BMPR1B: variants seen among roughly 807,000 people sequenced by gnomAD.
The protein encoded by BMPR1B is bone morphogenetic protein receptor type-1B.
Under a neutral mutation model 59.1 loss-of-function variants are expected in BMPR1B, and 12 were observed. The ratio of observed to expected loss-of-function variants is 0.20; its 90% confidence interval spans 0.13 to 0.33. The LOEUF is 0.33. Among genes scored for constraint, BMPR1B ranks in the 10% least tolerant of loss-of-function variants. The pLI, the probability that BMPR1B is intolerant of heterozygous loss-of-function variation, is 1.00. For missense variants in BMPR1B, 550 were observed against 610.9 expected (o/e 0.90, Z 1.05); for synonymous variants, 237 against 207.3 (o/e 1.14, Z -1.23).
intron 3 of BMPR1B, among the ~76,000 whole-genome samples, chr4:95,046,821 TAGA>T (rs1392319874): frequency 6.6e-6 from 1 of 152,240 alleles, no homozygotes; most frequent in Admixed American, 6.5e-5. Context: ...GCTATCTCAG[TAGA>T]AGAAGAACGC....
At chr4:95,085,438 C>G (rs1003917498) in intron 3 of BMPR1B, among the ~76,000 whole-genome samples, 9 of 152,120 alleles carry the variant, frequency 5.9e-5, no homozygotes, top group African/African-American at 1.7e-4. Flanking sequence ...ACATCTGGGT[C>G]TCAAAGAATA....
intron 1 of BMPR1B, among the ~76,000 whole-genome samples, chr4:94,819,702 A>G (rs1483526794): frequency 6.6e-6 from 1 of 152,120 alleles, no homozygotes; most frequent in Non-Finnish European, 1.5e-5. Context: ...TAATCTGAAC[A>G]CTCTTGAGAT....
At chr4:94,851,912 C>T (rs564063707) in intron 1 of BMPR1B, among the ~76,000 whole-genome samples, 76 of 152,284 alleles carry the variant, frequency 5.0e-4, no homozygotes, top group African/African-American at 1.8e-3. Context: ...TTGTCCTGTA[C>T]ATCTTCGTAC....
At chr4:95,032,845 A>G (rs1724977490) in intron 3 of BMPR1B, among the ~76,000 whole-genome samples, 1 of 152,158 alleles carries the variant, frequency 6.6e-6, no homozygotes. Flanking sequence ...GAACATGGGC[A>G]TACAAATAGG....
At chr4:95,016,158 G>T (rs1172252522) in intron 3 of BMPR1B, among the ~76,000 whole-genome samples, 1 of 152,180 alleles carries the variant, frequency 6.6e-6, no homozygotes, top group Non-Finnish European at 1.5e-5. Context: ...AGTAAAAACT[G>T]CAATTTTGAA....
chr4:94,871,383 A>T (rs180754256), intron 1 of BMPR1B, among the ~76,000 whole-genome samples: 18 of 152,338 alleles, frequency 1.2e-4, no homozygotes, highest in African/African-American at 3.1e-4. Flanking sequence ...TTAAGGCTTC[A>T]CATGCATTTC....
chr4:94,928,172 T>C (rs1351423872), intron 2 of BMPR1B, among the ~76,000 whole-genome samples: 1 of 151,816 alleles, frequency 6.6e-6, no homozygotes, highest in African/African-American at 2.4e-5. Flanking sequence ...GTATTTTTTT[T>C]TTTTTTAGAA....
rs930633423 is a variant in BMPR1B, at chr4:95,156,681, A to G, written c.*2008A>G. The G allele has an allele frequency of 3.3e-5, 5 of 152,122 alleles. No homozygotes were observed. The highest frequency in any genetic ancestry group is 1.2e-4 in the African/African-American group (5 of 41,428). The allele number at this position is 152,122 out of a possible 1,614,324, so 9.4% of individuals were successfully genotyped here. On this transcript the variant is annotated 3_prime_UTR_variant, in exon 13 of 13. Coordinates refer to ENST00000515059, the MANE Select transcript of BMPR1B (RefSeq NM_001203.3). ...AAAAAAAAAAATTGTGTTTTTAAAG[A>G]GTGAAAACAGTTAGAAAACAAGTAG...
At chr4:94,816,874 A>G (rs1226054564) in intron 1 of BMPR1B, among the ~76,000 whole-genome samples, 1 of 152,208 alleles carries the variant, frequency 6.6e-6, no homozygotes, top group African/African-American at 2.4e-5. Context: ...GTGTAAAGAT[A>G]GGTAATGCCA....
At chr4:94,840,866 G>A (rs1725031271) in intron 1 of BMPR1B, among the ~76,000 whole-genome samples, 1 of 147,834 alleles carries the variant, frequency 6.8e-6, no homozygotes. Flanking sequence ...CAGTTTTTCT[G>A]TTCTGTTTTT....
At chr4:94,878,086 TCTAGGATATATTC>T (rs1396562031) in intron 2 of BMPR1B, among the ~76,000 whole-genome samples, 1 of 152,220 alleles carries the variant, frequency 6.6e-6, no homozygotes, top group African/African-American at 2.4e-5. Context: ...AGGTTTTATT[TCTAGGATATATTC>T]CTGACCGTGG....
intron 1 of BMPR1B, among the ~76,000 whole-genome samples, chr4:94,769,059 C>T (rs1244958706): frequency 6.6e-6 from 1 of 152,146 alleles, no homozygotes; most frequent in Non-Finnish European, 1.5e-5. Flanking sequence ...CATTCTTAAA[C>T]ATTTTTCTTC....
intron 10 of BMPR1B, among the ~76,000 whole-genome samples, chr4:95,143,218 G>A (rs1460470011): frequency 5.3e-5 from 8 of 152,176 alleles, no homozygotes; most frequent in Admixed American, 4.6e-4. Flanking sequence ...GCACGCCAGG[G>A]GTGGTACACC....
At chr4:94,908,314 A>C (rs1232438668) in intron 2 of BMPR1B, among the ~76,000 whole-genome samples, 1 of 150,832 alleles carries the variant, frequency 6.6e-6, no homozygotes, top group East Asian at 2.0e-4. Context: ...TATTTTATAC[A>C]TCACATTTGA....
chr4:94,960,148 A>G (rs1730297517), intron 2 of BMPR1B, among the ~76,000 whole-genome samples: 1 of 152,154 alleles, frequency 6.6e-6, no homozygotes, highest in Non-Finnish European at 1.5e-5. Flanking sequence ...ATGTTTTAAG[A>G]TGGCAGCTTT....
intron 3 of BMPR1B, among the ~76,000 whole-genome samples, chr4:95,056,632 CTTTTT>C (rs1726950830): frequency 6.6e-6 from 1 of 152,160 alleles, no homozygotes; most frequent in Non-Finnish European, 1.5e-5. Context: ...CCCTTCTTTT[CTTTTT>C]GTTTAAAATT....
rs558809892 is a variant in BMPR1B, at chr4:95,095,425, C to T, written c.-17-8983C>T. On this transcript the variant is annotated intron_variant, in intron 3 of 12. Coordinates refer to ENST00000515059, the MANE Select transcript of BMPR1B (RefSeq NM_001203.3). ...ACAAATAGCTGTAGGATGGGTCATTCCCAAAGTTGTTGCTAGCCAGTTCAG... is the reference window on the plus strand; with the variant it reads ...ACAAATAGCTGTAGGATGGGTCATTTCCAAAGTTGTTGCTAGCCAGTTCAG... 3.7e-4 allele frequency among the ~76,000 whole-genome samples: 57 copies of T among 152,090 alleles called. 2 individuals carry two copies. The South Asian group carries it at 0.011, about 30-fold the overall frequency.
chr4:95,058,094 T>C (rs939337776), intron 3 of BMPR1B, among the ~76,000 whole-genome samples: 3 of 152,206 alleles, frequency 2.0e-5, no homozygotes, highest in African/African-American at 7.2e-5. Flanking sequence ...GACATTGTTA[T>C]ATGTAAGTTT....
chr4:94,899,280 C>T (rs1727709089), intron 2 of BMPR1B, among the ~76,000 whole-genome samples: 2 of 151,904 alleles, frequency 1.3e-5, no homozygotes, highest in African/African-American at 4.8e-5. Flanking sequence ...CACATCTCCA[C>T]AAACTCTTTT....
Sources: allele counts gnomAD v4.1 joint callset (sites outside exome capture counted in the v4.1 genomes callset), GRCh38; gene constraint gnomAD v4.1.1; transcripts MANE v1.5; gene names NCBI Gene and HGNC (gene_info 2026-07-23, HGNC 2026-07-21).